Variants in AATF observed in about 807,000 individuals in gnomAD.
AATF encodes apoptosis antagonizing transcription factor.
A neutral mutation model predicts 63.7 loss-of-function variants in AATF; 48 were observed. That is an observed-to-expected ratio of 0.75 (90% confidence interval 0.60 to 0.96). The LOEUF is 0.96. AATF is among the 40% of genes least tolerant of loss of function. AATF has a pLI of 0.00. For missense variants in AATF, 639 were observed against 685.7 expected, an observed-to-expected ratio of 0.93 and a Z score of 0.76; for synonymous variants, 258 against 247.7, an observed-to-expected ratio of 1.04 and a Z score of -0.39.
At chr17:36,956,217 G>A (rs2070898684) in intron 4 of AATF, among the ~76,000 whole-genome samples, 2 of 152,200 alleles carry the variant, frequency 1.3e-5, no homozygotes, top group Admixed American at 6.5e-5. Context: ...GGGTTGTGGT[G>A]GAGGAGGGAG....
intron 4 of AATF, among the ~76,000 whole-genome samples, chr17:36,980,704 C>G (rs1220605235): frequency 6.6e-6 from 1 of 151,984 alleles, no homozygotes; most frequent in Non-Finnish European, 1.5e-5. Context: ...AGAGTCTTTC[C>G]CTCACTCTTG....
chr17:36,993,038 G>A (rs2071227651), intron 8 of AATF, among the ~76,000 whole-genome samples: 1 of 152,160 alleles, frequency 6.6e-6, no homozygotes. Flanking sequence ...GTAGGAACTG[G>A]ACCAGTTGCC....
chr17:36,968,188 G>C (rs751948969), intron 4 of AATF, among the ~76,000 whole-genome samples: 2 of 142,198 alleles, frequency 1.4e-5, no homozygotes, highest in Non-Finnish European at 1.5e-5. Context: ...CATTTCCTCA[G>C]CTTTATTTTC....
chr17:36,996,383 A>G (rs891427553), intron 8 of AATF, among the ~76,000 whole-genome samples: 1 of 152,206 alleles, frequency 6.6e-6, no homozygotes, highest in East Asian at 1.9e-4. Flanking sequence ...ACGGTGAGCC[A>G]AGATCGCATC....
At chr17:37,013,097 T>C (rs1252486402) in intron 8 of AATF, among the ~76,000 whole-genome samples, 2 of 152,138 alleles carry the variant, frequency 1.3e-5, no homozygotes, top group Admixed American at 1.3e-4. Flanking sequence ...ATCCAGAATA[T>C]ATAAAGAACT....
In AATF at chr17:37,056,718, C is replaced by G; in HGVS notation, c.*54C>G. ...GCCTTGGCTGGTGCGGCTGCTGGTC[C>G]AGATGGAGGAAACCAGTGACTTTAT... On this transcript the variant is annotated 3_prime_UTR_variant, in exon 12 of 12. Coordinates refer to ENST00000619387, the MANE Select transcript of AATF (RefSeq NM_012138.4). 6.4e-7 allele frequency: 1 copy of G among 1,573,732 alleles called. No individual in the cohort carries two copies.
intron 8 of AATF, among the ~76,000 whole-genome samples, chr17:37,007,468 C>T (rs771501520): frequency 2.0e-5 from 3 of 148,032 alleles, no homozygotes; most frequent in African/African-American, 5.0e-5. Flanking sequence ...CCTTCCAAAG[C>T]GTTGTGATTA....
At chr17:36,987,586 A>G (rs1284333418) in intron 5 of AATF, among the ~76,000 whole-genome samples, 1 of 152,188 alleles carries the variant, frequency 6.6e-6, no homozygotes, top group African/African-American at 2.4e-5. Flanking sequence ...TGGGAGGACA[A>G]AAAGGAAACT....
At chr17:37,056,443 G>A (rs2071798780) in intron 11 of AATF, 158 bp from the exon 12 acceptor site, 1 of 678,788 alleles carries the variant, frequency 1.5e-6, no homozygotes, top group Non-Finnish European at 2.5e-6. Flanking sequence ...TCTTCCTTCT[G>A]TTGTATTTGT....
chr17:37,033,934 T>G (rs1249926437), intron 11 of AATF: 1 of 154,624 alleles, frequency 6.5e-6, no homozygotes. Context: ...TGTATTTCAT[T>G]GGCCAGAACT....
intron 8 of AATF, among the ~76,000 whole-genome samples, chr17:37,014,788 G>A (rs2071416934): frequency 6.6e-6 from 1 of 152,122 alleles, no homozygotes; most frequent in Non-Finnish European, 1.5e-5. Flanking sequence ...CTAAATTTTT[G>A]TCTTGTCTTG....
intron 4 of AATF, among the ~76,000 whole-genome samples, chr17:36,974,048 G>A (rs113004887): frequency 0.039 from 5,781 of 148,058 alleles, 372 homozygotes; most frequent in African/African-American, 0.14. Flanking sequence ...CAGCCTGGGC[G>A]ACAGAGCGAG....
chr17:37,001,933 G>A (rs1489694461), intron 8 of AATF, among the ~76,000 whole-genome samples: 1 of 152,146 alleles, frequency 6.6e-6, no homozygotes, highest in Non-Finnish European at 1.5e-5. Flanking sequence ...TAGGCACGGT[G>A]GCTCACGTCT....
Position 36,952,191 on chromosome 17 carries a change from G to C in AATF, c.284-695G>C, listed in dbSNP as rs550690314. Among the ~76,000 whole-genome samples the C allele has an allele frequency of 5.9e-5, 9 of 152,292 alleles. No individual in the cohort carries two copies. The South Asian group carries it at 1.9e-3, about 32-fold the overall frequency. On this transcript the variant is annotated intron_variant, in intron 2 of 11. Transcript: ENST00000619387. ...TGAGCTGTTGCCTTATGCTTCATAAGTAAAATTATAATGTCTCCTTCTCCA... is the reference window on the plus strand; with the variant it reads ...TGAGCTGTTGCCTTATGCTTCATAACTAAAATTATAATGTCTCCTTCTCCA...
At chr17:37,020,423 TA>T (rs1414251585) in intron 9 of AATF, among the ~76,000 whole-genome samples, 3 of 151,102 alleles carry the variant, frequency 2.0e-5, no homozygotes, top group Non-Finnish European at 4.4e-5. Flanking sequence ...TTAAACAATT[TA>T]AACAATTTAA....
rs1041232866 is a variant in AATF, at chr17:37,022,151, T to A, written c.1547+1137T>A. On this transcript the variant is annotated intron_variant, in intron 10 of 11. Coordinates refer to ENST00000619387, the MANE Select transcript of AATF (RefSeq NM_012138.4). The stretch of plus-strand genomic sequence containing the variant: ...GTGTGTGTGTGTGTGTGTGTGTGTG[T>A]GAGAAACACAGTGTCATCACACAAA... Among the ~76,000 whole-genome samples, 11 of 114,644 alleles carry A rather than the reference T, an allele frequency of 9.6e-5. No homozygotes were observed. In the East Asian group the frequency reaches 1.1e-3, roughly 12 times the overall value. The allele number at this position is 114,644 out of a possible 152,430, so 75.2% of individuals were successfully genotyped here.
intron 4 of AATF, among the ~76,000 whole-genome samples, chr17:36,964,146 TGTG>T (rs1243375544): frequency 2.0e-5 from 3 of 150,608 alleles, no homozygotes; most frequent in African/African-American, 2.4e-5. Context: ...TGGTGAAGGA[TGTG>T]GTCAAAAGAG....
At chr17:37,017,223 G>A (rs1042374850) in intron 8 of AATF, among the ~76,000 whole-genome samples, 14 of 152,266 alleles carry the variant, frequency 9.2e-5, no homozygotes, top group African/African-American at 2.9e-4. Context: ...AACCAGGAAC[G>A]GTTGTTGTAA....
intron 11 of AATF, among the ~76,000 whole-genome samples, chr17:37,036,630 A>G (rs868433738): frequency 1.3e-5 from 2 of 152,142 alleles, no homozygotes; most frequent in Middle Eastern, 3.4e-3. Context: ...TTAAAATGCA[A>G]AGTAGCCAAG....
Sources: gnomAD v4.1 joint callset for allele counts (sites outside exome capture counted in the v4.1 genomes callset) on GRCh38, gnomAD v4.1.1 for gene constraint, MANE v1.5 for transcripts, NCBI Gene and HGNC (gene_info 2026-07-23, HGNC 2026-07-21) for gene names.